The following PTK2 variants were observed in gnomAD, a reference collection of about 807,000 sequenced individuals.
PTK2 encodes protein tyrosine kinase 2.
In PTK2, 45 loss-of-function variants were observed where a neutral mutation model predicts 150.1. That is an observed-to-expected ratio of 0.30 (90% CI 0.24 to 0.38). The LOEUF is 0.38. Ranked by LOEUF, PTK2 falls within the 10% of genes least tolerant of loss-of-function variation. The pLI is 1.00. For missense variants in PTK2, 919 were observed against 1,307.3 expected, an observed-to-expected ratio of 0.70 and a Z score of 4.58; for synonymous variants, 432 against 449.2, an observed-to-expected ratio of 0.96 and a Z score of 0.48.
At chr8:140,979,381 A>G (rs544834179) in intron 1 of PTK2, among the ~76,000 whole-genome samples, 40 of 152,132 alleles carry the variant, frequency 2.6e-4, no homozygotes, top group African/African-American at 9.2e-4. Context: ...CCACACATAG[A>G]AAGAACAGCT....
intron 1 of PTK2, among the ~76,000 whole-genome samples, chr8:140,978,903 C>A (rs9657467): frequency 6.6e-6 from 1 of 151,788 alleles, no homozygotes; most frequent in African/African-American, 2.4e-5. Flanking sequence ...ATGTGGCACA[C>A]ATACACCATG....
chr8:140,676,613 C>CGGGGGTGGGGGA (rs1554666783), intron 27 of PTK2, among the ~76,000 whole-genome samples: 2 of 88,118 alleles, frequency 2.3e-5, no homozygotes, highest in South Asian at 3.4e-4. Flanking sequence ...TCGGTGGGGG[C>CGGGGGTGGGGGA]GGGGGGAACA....
At chr8:140,745,746 T>C (rs2100058303) in intron 18 of PTK2, among the ~76,000 whole-genome samples, 1 of 152,176 alleles carries the variant, frequency 6.6e-6, no homozygotes, top group African/African-American at 2.4e-5. Context: ...ACACCTGTAA[T>C]CCCAGCACTT....
chr8:140,978,497 GAC>G (rs1025639922), intron 1 of PTK2, among the ~76,000 whole-genome samples: 1 of 152,122 alleles, frequency 6.6e-6, no homozygotes, highest in African/African-American at 2.4e-5. Flanking sequence ...GCAGCCAAGA[GAC>G]ACATGAAAAA....
At chr8:140,929,605 T>C (rs558932830) in intron 1 of PTK2, among the ~76,000 whole-genome samples, 1 of 152,250 alleles carries the variant, frequency 6.6e-6, no homozygotes, top group East Asian at 1.9e-4. Flanking sequence ...TGTGATACAA[T>C]TAGACTGTAA....
At chr8:140,815,304 A>G (rs1325977353) in intron 10 of PTK2, among the ~76,000 whole-genome samples, 2 of 152,134 alleles carry the variant, frequency 1.3e-5, no homozygotes, top group Non-Finnish European at 1.5e-5. Context: ...AAAATAACAC[A>G]GGAATAGAAA....
In PTK2 at chr8:140,674,996, G is replaced by A. The variant is rs546113726; in HGVS notation, c.2602+464C>T. On this transcript the variant is annotated intron_variant, in intron 28 of 31. Transcript: ENST00000522684. ...TGAGGCAGGAGAATTGCTTGAACCCGGGAGGTGGAGGTTGCAGTGAGCTCA... is the reference window on the plus strand; with the variant it reads ...TGAGGCAGGAGAATTGCTTGAACCCAGGAGGTGGAGGTTGCAGTGAGCTCA... 1.0e-4 allele frequency among the ~76,000 whole-genome samples: 15 copies of A among 150,006 alleles called. No individual in the cohort carries two copies. The South Asian group carries it at 2.3e-3, about 23-fold the overall frequency.
At chr8:141,001,263 G>GCTCGCGCC (rs1416397316), upstream of PTK2, 5 of 147,586 alleles carry the variant, frequency 3.4e-5, no homozygotes, top group Non-Finnish European at 7.6e-5. Flanking sequence ...GGCGGCGCGG[G>GCTCGCGCC]CTCGCGCCCT....
At chr8:140,879,301 G>A in intron 4 of PTK2, 170 bp downstream of exon 4, 4 of 567,460 alleles carry the variant, frequency 7.0e-6, no homozygotes, top group Non-Finnish European at 1.1e-5. Flanking sequence ...AGCTAGACTA[G>A]AGGTCTAGAA....
chr8:140,920,914 A>T, intron 2 of PTK2: 1 of 1,516,244 alleles, frequency 6.6e-7, no homozygotes. Context: ...CCAACAACAT[A>T]CACCCAATCC....
In PTK2 at chr8:140,883,750, T is replaced by C. The variant is rs139011079; in HGVS notation, c.196-4113A>G. ...TAAAAGTCTTCCAAGACAAAGAATG[T>C]ACTTTTTTATCTTGGTGGTCCACAG... On this transcript the variant is annotated intron_variant, in intron 3 of 31. Coordinates refer to ENST00000522684, the Ensembl canonical transcript of PTK2. Among the ~76,000 whole-genome samples the C allele has an allele frequency of 4.5e-3, 683 of 152,268 alleles. 4 individuals are homozygous for C. Among genetic ancestry groups the C allele is most frequent in the African/African-American group, 0.016 (646 of 41,534 alleles).
At chr8:141,001,650 C>G (rs2100200291), upstream of PTK2, among the ~76,000 whole-genome samples, 1 of 152,138 alleles carries the variant, frequency 6.6e-6, no homozygotes, top group African/African-American at 2.4e-5. Flanking sequence ...CCATCTCCTT[C>G]CCTGCCCCCA....
chr8:140,705,740 T>C (rs760434313), intron 24 of PTK2, among the ~76,000 whole-genome samples: 3 of 152,238 alleles, frequency 2.0e-5, no homozygotes, highest in East Asian at 1.9e-4. Context: ...CTTGTCCATA[T>C]GGTATTTCAT....
At chr8:140,768,039 C>A in intron 14 of PTK2, among the ~76,000 whole-genome samples, 1 of 152,064 alleles carries the variant, frequency 6.6e-6, no homozygotes, top group South Asian at 2.1e-4. Flanking sequence ...GGCCTGGGCA[C>A]AAATGAAGCT....
chr8:140,830,951 C>T (rs2100115003), intron 7 of PTK2, among the ~76,000 whole-genome samples: 1 of 151,830 alleles, frequency 6.6e-6, no homozygotes, highest in Admixed American at 6.6e-5. Flanking sequence ...CAGGATATAC[C>T]CGAGAAGTTA....
Position 140,879,369 on chromosome 8 carries a change from A to G in PTK2, c.362+102T>C, listed in dbSNP as rs1307325587. ...TATTTATACCAGAGTTGTAATGACA[A>G]GCAGTGTGAAAATTAAACATATACA... is the stretch of plus-strand genomic sequence containing the variant. On this transcript the variant is annotated intron_variant, in intron 4 of 31. Transcript: ENST00000522684. 3 of 1,215,044 alleles carry G rather than the reference A, an allele frequency of 2.5e-6. No homozygotes were observed. The Admixed American group carries it at 7.7e-5, about 31-fold the overall frequency. 75.3% of individuals were successfully genotyped at this position (1,215,044 alleles called of 1,614,324 possible). A position where few individuals can be genotyped will look rare whatever the true frequency, so the allele number is the denominator to read the frequency against.
chr8:140,913,322 G>T, intron 2 of PTK2, among the ~76,000 whole-genome samples: 1 of 143,386 alleles, frequency 7.0e-6, no homozygotes, highest in African/African-American at 2.6e-5. Context: ...TTTTGACAGA[G>T]TCTCACTCTG....
intron 1 of PTK2, among the ~76,000 whole-genome samples, chr8:140,942,044 C>T (rs2100176006): frequency 6.6e-6 from 1 of 151,386 alleles, no homozygotes; most frequent in South Asian, 2.1e-4. Flanking sequence ...CATGTGCCAC[C>T]ACACCTGGCT....
intron 1 of PTK2, among the ~76,000 whole-genome samples, chr8:140,982,048 C>T (rs572328945): frequency 3.9e-4 from 55 of 140,058 alleles, no homozygotes; most frequent in Non-Finnish European, 7.3e-4. Context: ...TAAAGCTCCA[C>T]GCTTCACCAA....
Sources: gnomAD v4.1 joint callset for allele counts (sites outside exome capture counted in the v4.1 genomes callset) on GRCh38, gnomAD v4.1.1 for gene constraint, MANE v1.5 for transcripts, NCBI Gene and HGNC (gene_info 2026-07-23, HGNC 2026-07-21) for gene names.